ST8SIA2: variants seen among roughly 807,000 people sequenced by gnomAD.
The protein encoded by ST8SIA2 is alpha-2,8-sialyltransferase 8B.
A neutral mutation model predicts 37.6 loss-of-function variants in ST8SIA2; 22 were observed. The ratio of observed to expected loss-of-function variants is 0.58; its 90% CI spans 0.42 to 0.83. The LOEUF (loss-of-function observed/expected upper bound fraction) is 0.83. Among genes scored for constraint, ST8SIA2 ranks in the 40% least tolerant of loss-of-function variants. The pLI, the probability that ST8SIA2 is intolerant of heterozygous loss-of-function variation, is 0.00. For missense variants in ST8SIA2, 382 were observed against 484.7 expected, an observed-to-expected ratio of 0.79 and a Z score of 1.99; for synonymous variants, 205 against 201.2, an observed-to-expected ratio of 1.02 and a Z score of -0.16.
chr15:92,436,928 G>A (rs1210070759), intron 3 of ST8SIA2, among the ~76,000 whole-genome samples: 1 of 152,096 alleles, frequency 6.6e-6, no homozygotes, highest in African/African-American at 2.4e-5. Context: ...CTGAGAACTG[G>A]GCCACTCTCA....
chr15:92,406,475 C>T (rs939978264), intron 1 of ST8SIA2, among the ~76,000 whole-genome samples: 2 of 152,222 alleles, frequency 1.3e-5, no homozygotes, highest in Admixed American at 6.5e-5. Flanking sequence ...CTCAGGCCCT[C>T]CTCCAAACCC....
At chr15:92,451,289 C>T (rs2049880135) in intron 5 of ST8SIA2, among the ~76,000 whole-genome samples, 1 of 152,180 alleles carries the variant, frequency 6.6e-6, no homozygotes, top group African/African-American at 2.4e-5. Context: ...AGCTGCCACA[C>T]TGGAGAAGAG....
chr15:92,420,442 A>G (rs1051667050), intron 1 of ST8SIA2, among the ~76,000 whole-genome samples: 1 of 152,192 alleles, frequency 6.6e-6, no homozygotes, highest in Non-Finnish European at 1.5e-5. Context: ...AAGTACCTTT[A>G]TGTAAAGACT....
chr15:92,395,068 G>T (rs1596224972), intron 1 of ST8SIA2, among the ~76,000 whole-genome samples: 4 of 151,834 alleles, frequency 2.6e-5, no homozygotes, highest in African/African-American at 9.7e-5. Context: ...TGAGACTCGC[G>T]CCCCGCCCCG....
At chr15:92,459,932 A>C (rs2049946002) in intron 5 of ST8SIA2, among the ~76,000 whole-genome samples, 1 of 152,194 alleles carries the variant, frequency 6.6e-6, no homozygotes, top group South Asian at 2.1e-4. Context: ...TACAGAAAAA[A>C]TCTGAAGATC....
rs75892170 is a variant in ST8SIA2 at position 92,461,510 on chromosome 15, C to T, written c.843-2590C>T. Among the ~76,000 whole-genome samples, 1,121 of 152,270 alleles carry T rather than the reference C, an allele frequency of 7.4e-3. 14 individuals carry two copies. The highest frequency in any genetic ancestry group is 0.038 in the East Asian group (196 of 5,182). ...CAGGCATGGACACTGCAGCCCCTGG[C>T]GCACAGGTCTCCATGGGTGCCCAGA... is the stretch of plus-strand genomic sequence containing the variant. On this transcript the variant is annotated intron_variant, in intron 5 of 5. Transcript: ENST00000268164.
chr15:92,453,082 G>C (rs941807504), intron 5 of ST8SIA2, among the ~76,000 whole-genome samples: 1 of 152,076 alleles, frequency 6.6e-6, no homozygotes, highest in African/African-American at 2.4e-5. Flanking sequence ...CAAGCAGAAG[G>C]CCTGCCCTTC....
At chr15:92,446,710 A>G (rs74938008) in intron 5 of ST8SIA2, among the ~76,000 whole-genome samples, 203 of 152,316 alleles carry the variant, frequency 1.3e-3, no homozygotes, top group African/African-American at 4.5e-3. Flanking sequence ...TCTTCTCTAG[A>G]AAGAAGTTGG....
chr15:92,432,995 T>C (rs1170160036), intron 2 of ST8SIA2, among the ~76,000 whole-genome samples: 1 of 152,154 alleles, frequency 6.6e-6, no homozygotes, highest in East Asian at 1.9e-4. Flanking sequence ...CCGGGTGTGG[T>C]GGCATTCGCC....
At chr15:92,435,441 G>C (rs1048842640) in intron 3 of ST8SIA2, among the ~76,000 whole-genome samples, 1 of 152,114 alleles carries the variant, frequency 6.6e-6, no homozygotes, top group Admixed American at 6.5e-5. Flanking sequence ...AAGGAATAGG[G>C]GGGTAAGGTT....
Position 92,468,113 on chromosome 15 carries a change from C to CCTG in ST8SIA2, c.*3728_*3729insCTG, listed in dbSNP as rs2050006007. ...ACTAGCACTAATCTCGACTCTTTGTCACTTGGACTATTTCAGCAACAGTCT... is the reference window on the plus strand; with the variant it reads ...ACTAGCACTAATCTCGACTCTTTGTCCTGACTTGGACTATTTCAGCAACAGTCT... On this transcript the variant is annotated 3_prime_UTR_variant, in exon 6 of 6. Coordinates refer to ENST00000268164, the MANE Select transcript of ST8SIA2 (RefSeq NM_006011.4). 2.0e-5 allele frequency: 3 copies of CCTG among 152,454 alleles called. No individual in the cohort carries two copies. The highest frequency in any genetic ancestry group is 4.4e-5 in the Non-Finnish European group (3 of 68,054). 9.4% of individuals were successfully genotyped at this position (152,454 alleles called of 1,614,324 possible).
chr15:92,398,235 C>G (rs1017084833), intron 1 of ST8SIA2, among the ~76,000 whole-genome samples: 1 of 152,202 alleles, frequency 6.6e-6, no homozygotes, highest in African/African-American at 2.4e-5. Context: ...TCCTTTTTAT[C>G]AGCTAGGGTG....
intron 1 of ST8SIA2, among the ~76,000 whole-genome samples, chr15:92,408,123 G>A (rs1256705355): frequency 1.3e-5 from 2 of 152,060 alleles, no homozygotes; most frequent in Admixed American, 1.3e-4. Flanking sequence ...AACTGTGTCT[G>A]GAAACGGCCC....
intron 1 of ST8SIA2, among the ~76,000 whole-genome samples, chr15:92,421,671 C>T (rs2141820910): frequency 6.6e-6 from 1 of 152,334 alleles, no homozygotes; most frequent in Non-Finnish European, 1.5e-5. Flanking sequence ...CGAGTGTTAG[C>T]TCCGAGCTTA....
chr15:92,397,109 A>C (rs1025237333), intron 1 of ST8SIA2, among the ~76,000 whole-genome samples: 2 of 152,190 alleles, frequency 1.3e-5, no homozygotes, highest in East Asian at 3.9e-4. Context: ...GAACAGTGGG[A>C]CCCTGTGATC....
chr15:92,442,050 G>A (rs1218816764), intron 4 of ST8SIA2, among the ~76,000 whole-genome samples: 1 of 152,168 alleles, frequency 6.6e-6, no homozygotes, highest in Non-Finnish European at 1.5e-5. Context: ...CCTACTGTTG[G>A]ACAAAAGAGA....
At chr15:92,443,236 T>C (rs1402843580) in intron 4 of ST8SIA2, among the ~76,000 whole-genome samples, 1 of 152,192 alleles carries the variant, frequency 6.6e-6, no homozygotes, top group Non-Finnish European at 1.5e-5. Flanking sequence ...CTCAGACTTA[T>C]TTTCACTGGT....
At chr15:92,394,762 C>T (rs2049417798) in intron 1 of ST8SIA2, among the ~76,000 whole-genome samples, 1 of 152,162 alleles carries the variant, frequency 6.6e-6, no homozygotes, top group African/African-American at 2.4e-5. Flanking sequence ...GAGAAGGGCT[C>T]GCATAGCTGG....
At chr15:92,427,973 A>C (rs1423873430) in intron 1 of ST8SIA2, among the ~76,000 whole-genome samples, 3 of 152,174 alleles carry the variant, frequency 2.0e-5, no homozygotes, top group African/African-American at 4.8e-5. Flanking sequence ...ATGAAGGGAG[A>C]CTCGGTCTCA....
Sources: allele counts gnomAD v4.1 joint callset (sites outside exome capture counted in the v4.1 genomes callset), GRCh38; gene constraint gnomAD v4.1.1; transcripts MANE v1.5; gene names NCBI Gene and HGNC (gene_info 2026-07-23, HGNC 2026-07-21).